Variants in GRAMD2A observed in about 807,000 individuals in gnomAD.
GRAMD2A encodes GRAM domain-containing protein 2A.
In GRAMD2A, 37 loss-of-function variants were observed where a neutral mutation model predicts 51.1. The ratio of observed to expected loss-of-function variants is 0.72; its 90% confidence interval spans 0.56 to 0.95. GRAMD2A has a LOEUF of 0.95. GRAMD2A is among the 40% of genes least tolerant of loss of function. The probability of loss-of-function intolerance (pLI) is 0.00; values close to 1 mark genes in which losing one functional copy is unlikely to be tolerated. For missense variants in GRAMD2A, 414 were observed against 426.9 expected (o/e 0.97, Z 0.27); for synonymous variants, 136 against 157.1 (o/e 0.87, Z 1.01).
chr15:72,163,464 G>C lies in GRAMD2A; in HGVS notation c.758C>G (p.Ala253Gly). The C allele has an allele frequency of 6.2e-7, 1 of 1,613,848 alleles. No homozygotes were observed. The highest frequency in any genetic ancestry group is 8.5e-7 in the Non-Finnish European group (1 of 1,179,842). The change falls in exon 10 of 12, where the codon GCC becomes GGC. Residue 253 changes from alanine (A) to glycine (G), a missense_variant. Ala to Gly is a moderately conservative substitution (Grantham distance 60). Transcript: ENST00000309731. ...CCCACCATTTTCTGAAGCTACTTGG[G>C]CTCTTGACTTTTCTTTATGGATTGG... ...RKPPMSEKSRAQVASENGGRW... is the reference protein window; with the variant it reads ...RKPPMSEKSRGQVASENGGRW...
chr15:72,180,519 G>T (rs1328947929), intron 1 of GRAMD2A, among the ~76,000 whole-genome samples: 1 of 152,280 alleles, frequency 6.6e-6, no homozygotes, highest in African/African-American at 2.4e-5. Flanking sequence ...ACTCAGGGCT[G>T]CCAGGGGCTG....
At chr15:72,162,241 A>AATGT in intron 11 of GRAMD2A, 32 bp downstream of exon 11, 6 of 1,522,556 alleles carry the variant, frequency 3.9e-6, no homozygotes, top group Non-Finnish European at 5.5e-6. Context: ...AACCCTCAAT[A>AATGT]TCAAAGGCAT....
At position 72,170,111 on chromosome 15, in the gene GRAMD2A, T is replaced by C; in HGVS notation, c.42-172A>G. The C allele has an allele frequency of 1.4e-6, 1 of 704,824 alleles. No individual in the cohort carries two copies. Among genetic ancestry groups the C allele is most frequent in the Non-Finnish European group, 2.6e-6 (1 of 385,132 alleles). The allele number at this position is 704,824 out of a possible 1,614,324, so 43.7% of individuals were successfully genotyped here. ...GAGGCAGCAGCGCAGGCAGAGGTTC[T>C]GGGATGGCTGACGGAGTAGGCGGGT... On this transcript the variant is annotated intron_variant, in intron 1 of 11. Transcript: ENST00000309731. The surrounding 1 kb of genome is among the most constrained non-coding windows in gnomAD (Gnocchi z 4.5).
chr15:72,167,178 C>A, intron 5 of GRAMD2A, 86 bp from the exon 6 acceptor site: 1 of 952,940 alleles, frequency 1.0e-6, no homozygotes, highest in South Asian at 1.3e-5. Flanking sequence ...AGCTGTGAGC[C>A]CAGCATGGCC....
rs753782019 is a variant in GRAMD2A, at chr15:72,167,792, A to T, written c.316T>A (p.Tyr106Asn). ...QRDFLLQGRL[Y>N]ISPNWLCFHA... The stretch of plus-strand genomic sequence containing the variant: ...AAGCAGAGCCAGTTGGGGGAGATGT[A>T]GAGCCGGCCCTGGAGGAGGAAGTCC... The change falls in exon 5 of 12, where the codon TAC becomes AAC. Residue 106 changes from tyrosine (Y) to asparagine (N), a missense_variant. Coordinates refer to ENST00000309731, the MANE Select transcript of GRAMD2A (RefSeq NM_001012642.3). The T allele has an allele frequency of 3.7e-6, 6 of 1,614,142 alleles. No homozygotes were observed. The South Asian group carries it at 6.6e-5, about 18-fold the overall frequency.
intron 1 of GRAMD2A, among the ~76,000 whole-genome samples, chr15:72,183,582 C>T (rs1213924182): frequency 6.6e-6 from 1 of 152,038 alleles, no homozygotes. Flanking sequence ...GTAATCCCAG[C>T]AGTTTGGGAG....
Position 72,163,312 on chromosome 15 carries a change from C to T in GRAMD2A, c.910G>A (p.Glu304Lys). 1 of 1,613,014 alleles carries T rather than the reference C, an allele frequency of 6.2e-7. No individual in the cohort carries two copies. Among genetic ancestry groups the T allele is most frequent in the Non-Finnish European group, 8.5e-7 (1 of 1,178,968 alleles). Residue 304 changes from glutamate to lysine, a missense_variant, in exon 10 of 12, where the codon GAG (glutamate) becomes AAG (lysine). Coordinates refer to ENST00000309731, the MANE Select transcript of GRAMD2A (RefSeq NM_001012642.3). ...AGCCGGTAATCCCAGAGCCTCAGCT[C>T]CCCAGTGCTCCTGGGCTCCTCCTCC... ...ELEEEPRSTG[E>K]LRLWDYRLLK...
chr15:72,196,612 G>A (rs2081806984), intron 1 of GRAMD2A, among the ~76,000 whole-genome samples: 1 of 152,170 alleles, frequency 6.6e-6, no homozygotes, highest in African/African-American at 2.4e-5. Context: ...AAGGCCATAA[G>A]TCTTTGCTCT....
At chr15:72,162,068 T>C in intron 11 of GRAMD2A, 56 bp from the exon 12 acceptor site, 1 of 1,609,176 alleles carries the variant, frequency 6.2e-7, no homozygotes, top group Non-Finnish European at 8.5e-7. Flanking sequence ...CAGACGGACG[T>C]GGGCAGAAGG....
At chr15:72,197,696 C>T (rs568840352) in intron 1 of GRAMD2A, 35 bp downstream of exon 1, 52 of 1,284,120 alleles carry the variant, frequency 4.0e-5, no homozygotes, top group African/African-American at 3.1e-4. Flanking sequence ...GCCTCCGGAA[C>T]CCCCGAGACC....
Position 72,170,127 on chromosome 15 carries a change from G to A in GRAMD2A, c.42-188C>T. 1 of 691,250 alleles carries A rather than the reference G, an allele frequency of 1.4e-6. No individual in the cohort carries two copies. Among genetic ancestry groups the A allele is most frequent in the South Asian group, 1.5e-5 (1 of 67,402 alleles). 42.8% of individuals were successfully genotyped at this position (691,250 alleles called of 1,614,324 possible). A position where few individuals can be genotyped will look rare whatever the true frequency, so the allele number is the denominator to read the frequency against. ...CAGAGGTTCTGGGATGGCTGACGGA[G>A]TAGGCGGGTCTCACACAGCGTCTTT... On this transcript the variant is annotated intron_variant, in intron 1 of 11. Transcript: ENST00000309731. This position sits in a 1 kb window ranked among gnomAD's most constrained non-coding sequence, Gnocchi z 4.5.
intron 10 of GRAMD2A, 23 bp downstream of exon 10, chr15:72,163,243 C>T (rs777128412): frequency 1.9e-6 from 3 of 1,574,706 alleles, no homozygotes; most frequent in African/African-American, 1.3e-5. Context: ...GGGTCTGTCC[C>T]CCTCCCCAGT....
intron 2 of GRAMD2A, chr15:72,169,480 T>C (rs2081585802): frequency 3.8e-6 from 2 of 528,056 alleles, no homozygotes; most frequent in Non-Finnish European, 7.3e-6. Context: ...GCCTCCTTCC[T>C]GTGGCCTGAG....
intron 1 of GRAMD2A, among the ~76,000 whole-genome samples, chr15:72,187,829 CT>C (rs1000330873): frequency 6.6e-5 from 10 of 152,108 alleles, no homozygotes; most frequent in African/African-American, 2.4e-4. Context: ...GCCATAATAT[CT>C]TTTTTTCCTA....
At chr15:72,179,165 G>C (rs565809849) in intron 1 of GRAMD2A, among the ~76,000 whole-genome samples, 2 of 152,340 alleles carry the variant, frequency 1.3e-5, no homozygotes, top group South Asian at 4.1e-4. Context: ...ATCACTGCCT[G>C]TAGCAGCTTT....
chr15:72,174,955 C>G (rs2140551795), intron 1 of GRAMD2A, among the ~76,000 whole-genome samples: 1 of 152,182 alleles, frequency 6.6e-6, no homozygotes, highest in African/African-American at 2.4e-5. Flanking sequence ...GCAGTCACTC[C>G]CAAGTCTACC....
At chr15:72,188,539 T>C (rs2081748611) in intron 1 of GRAMD2A, among the ~76,000 whole-genome samples, 3 of 152,196 alleles carry the variant, frequency 2.0e-5, no homozygotes, top group African/African-American at 4.8e-5. Flanking sequence ...TTATATAACA[T>C]TGGAAAAGCG....
intron 2 of GRAMD2A, chr15:72,169,626 G>A: frequency 1.4e-6 from 1 of 691,886 alleles, no homozygotes; most frequent in Non-Finnish European, 2.6e-6. Flanking sequence ...TGAGCAGGGA[G>A]GAGGCTGGAA....
intron 2 of GRAMD2A, chr15:72,169,502 G>A (rs1567084238): frequency 1.8e-6 from 1 of 541,648 alleles, no homozygotes; most frequent in Non-Finnish European, 3.5e-6. Context: ...TCTGCTGCGG[G>A]GAGCTTGGCA....
Sources: allele counts gnomAD v4.1 joint callset (sites outside exome capture counted in the v4.1 genomes callset), GRCh38; gene constraint gnomAD v4.1.1; non-coding constraint Gnocchi (gnomAD v3.1); transcripts MANE v1.5; gene names NCBI Gene and HGNC (gene_info 2026-07-23, HGNC 2026-07-21).